STK32C: variants seen among roughly 807,000 people sequenced by gnomAD.
STK32C encodes the protein serine/threonine-protein kinase 32C.
STK32C carries 31 observed loss-of-function variants against 56.5 expected under a neutral mutation model. That is an observed-to-expected ratio of 0.55 (90% CI 0.41 to 0.74). The LOEUF (loss-of-function observed/expected upper bound fraction) is 0.74, where lower values mean the gene tolerates loss of function less well. Ranked by LOEUF, STK32C falls within the 30% of genes least tolerant of loss-of-function variation. STK32C has a pLI of 0.00. For synonymous variants in STK32C, 309 were observed against 289.4 expected (o/e 1.07, Z -0.69); for missense variants, 544 against 676.9 (o/e 0.80, Z 2.18).
At chr10:132,291,540 C>T (rs10870287) in intron 1 of STK32C, among the ~76,000 whole-genome samples, 50,392 of 152,142 alleles carry the variant, frequency 0.33, 8,510 homozygotes, top group Middle Eastern at 0.38. Context: ...GCTGTGCCCA[C>T]GAGATGCCAG....
intron 1 of STK32C, among the ~76,000 whole-genome samples, chr10:132,264,664 A>AG (rs1590318154): frequency 1.3e-5 from 2 of 152,234 alleles, no homozygotes; most frequent in African/African-American, 2.4e-5. Flanking sequence ...GCAGGGAGGG[A>AG]GGAGGACTCC....
intron 10 of STK32C, among the ~76,000 whole-genome samples, chr10:132,221,632 ACAC>A (rs1354591734): frequency 2.1e-5 from 3 of 142,468 alleles, no homozygotes; most frequent in South Asian, 4.6e-4. Context: ...GTCCCCCCAC[ACAC>A]AACTGATGTC....
chr10:132,220,490 C>G (rs1337563442), intron 10 of STK32C, among the ~76,000 whole-genome samples: 1 of 152,204 alleles, frequency 6.6e-6, no homozygotes, highest in Non-Finnish European at 1.5e-5. Context: ...GGAACACGAA[C>G]CACGTCCACA....
chr10:132,285,734 G>A (rs902915444), intron 1 of STK32C, among the ~76,000 whole-genome samples: 3 of 152,346 alleles, frequency 2.0e-5, no homozygotes, highest in East Asian at 1.9e-4. Flanking sequence ...CAGACATAGC[G>A]ATAGATTGCA....
rs750869966 is a variant in STK32C, at chr10:132,222,993, C to G, written c.994-7G>C. The G allele has an allele frequency of 1.9e-6, 3 of 1,548,304 alleles. No individual in the cohort carries two copies. Among genetic ancestry groups the G allele is most frequent in the Non-Finnish European group, 2.6e-6 (3 of 1,151,340 alleles). On this transcript the variant is annotated splice_polypyrimidine_tract_variant and splice_region_variant and intron_variant, in intron 8 of 11. Transcript: ENST00000298630. ...CGGGGTTCACAGTGAGGAGCTGCAACCAGGCATGAGTCAGAGGGTCCAGGG... is the reference window on the plus strand; with the variant it reads ...CGGGGTTCACAGTGAGGAGCTGCAAGCAGGCATGAGTCAGAGGGTCCAGGG...
intron 1 of STK32C, among the ~76,000 whole-genome samples, chr10:132,282,272 C>T (rs2065236705): frequency 6.6e-6 from 1 of 152,280 alleles, no homozygotes; most frequent in Non-Finnish European, 1.5e-5. Flanking sequence ...ATCCCTGCCA[C>T]ACGCCCTGCC....
At chr10:132,274,925 G>A (rs2064952492) in intron 1 of STK32C, among the ~76,000 whole-genome samples, 1 of 152,150 alleles carries the variant, frequency 6.6e-6, no homozygotes, top group Non-Finnish European at 1.5e-5. Flanking sequence ...CTCCCTGGAG[G>A]GTGCCCCAGC....
chr10:132,238,169 C>T (rs1232765773), intron 2 of STK32C, among the ~76,000 whole-genome samples: 1 of 152,088 alleles, frequency 6.6e-6, no homozygotes, highest in East Asian at 1.9e-4. Context: ...TCCTTGGGAC[C>T]GAGGCAGCTT....
intron 1 of STK32C, among the ~76,000 whole-genome samples, chr10:132,329,266 T>C (rs919303432): frequency 4.6e-5 from 7 of 152,050 alleles, no homozygotes; most frequent in Admixed American, 3.3e-4. Context: ...ATACAAAAAT[T>C]AGCCCAGTGT....
chr10:132,246,022 C>G (rs1437142706), intron 1 of STK32C, 67 bp from the exon 2 acceptor site: 6 of 1,476,710 alleles, frequency 4.1e-6, no homozygotes, highest in Non-Finnish European at 4.7e-6. Flanking sequence ...GCAGCTCCCC[C>G]ACCTCAACAT....
chr10:132,293,938 G>C (rs1163776230), intron 1 of STK32C, among the ~76,000 whole-genome samples: 1 of 152,230 alleles, frequency 6.6e-6, no homozygotes, highest in Non-Finnish European at 1.5e-5. Context: ...CAGGCACGAG[G>C]GAAGGGGCCC....
intron 1 of STK32C, chr10:132,330,512 C>A (rs117392241): frequency 4.2e-6 from 3 of 716,544 alleles, no homozygotes; most frequent in Non-Finnish European, 7.8e-6. Flanking sequence ...TGGGTATGTA[C>A]GAAAACTTTT....
At chr10:132,278,132 C>G (rs1477949022) in intron 1 of STK32C, among the ~76,000 whole-genome samples, 1 of 152,174 alleles carries the variant, frequency 6.6e-6, no homozygotes, top group Non-Finnish European at 1.5e-5. Context: ...ACTCTGCCCT[C>G]TGACTTGGCT....
intron 1 of STK32C, among the ~76,000 whole-genome samples, chr10:132,258,497 C>G (rs1408968084): frequency 6.6e-6 from 1 of 152,248 alleles, no homozygotes; most frequent in African/African-American, 2.4e-5. Context: ...GTCCAGTGCG[C>G]TCTCCTGGGT....
chr10:132,261,422 A>G (rs769054526), intron 1 of STK32C, among the ~76,000 whole-genome samples: 28 of 152,230 alleles, frequency 1.8e-4, no homozygotes, highest in Admixed American at 3.9e-4. Context: ...GAATACACCT[A>G]ACCAAGGAGA....
rs762664066 is a variant in STK32C, at chr10:132,307,744, G to C, written c.90C>G (p.Asp30Glu). Reference sequence around the variant, plus strand: ...CGGGCGGCGGCAGGGCCGAGGGCGCGTCGGAGCCGGCGGGGCGCGCGCGGC... The same window carrying C: ...CGGGCGGCGGCAGGGCCGAGGGCGCCTCGGAGCCGGCGGGGCGCGCGCGGC... ...PPGRARPAGSDAPSALPPPAA... is the reference protein window; with the variant it reads ...PPGRARPAGSEAPSALPPPAA... The change falls in exon 1 of 12, where the codon GAC (aspartate) becomes GAG (glutamate). Residue 30 changes from aspartate to glutamate, a missense_variant. Asp to Glu is a conservative substitution (Grantham distance 45). Around this residue, in one of 3 missense-constraint regions of STK32C, gnomAD observed 182 missense variants for 217.7 expected, o/e 0.84. Transcript: ENST00000298630. This position sits in a 1 kb window ranked among gnomAD's most constrained non-coding sequence, Gnocchi z 4.4. The C allele has an allele frequency of 8.4e-6, 9 of 1,071,650 alleles. No homozygotes were observed. The highest frequency in any genetic ancestry group is 4.4e-5 in the South Asian group (1 of 22,966). 66.4% of individuals were successfully genotyped at this position (1,071,650 alleles called of 1,614,324 possible).
intron 1 of STK32C, among the ~76,000 whole-genome samples, chr10:132,274,616 C>T (rs921572482): frequency 4.6e-5 from 7 of 152,224 alleles, no homozygotes; most frequent in African/African-American, 9.6e-5. Context: ...TGCCCTCAGC[C>T]CACCAGGAGC....
At chr10:132,242,792 T>C (rs528910101) in intron 2 of STK32C, among the ~76,000 whole-genome samples, 1 of 152,354 alleles carries the variant, frequency 6.6e-6, no homozygotes, top group South Asian at 2.1e-4. Flanking sequence ...CCTGCCCCTG[T>C]GCCTACTGTC....
intron 1 of STK32C, among the ~76,000 whole-genome samples, chr10:132,300,721 T>C (rs1439218228): frequency 6.6e-6 from 1 of 152,096 alleles, no homozygotes; most frequent in Admixed American, 6.5e-5. Context: ...GCAGGAGACC[T>C]GTAAGGAAGC....
Sources: allele counts gnomAD v4.1 joint callset (sites outside exome capture counted in the v4.1 genomes callset), GRCh38; gene constraint gnomAD v4.1.1; regional missense constraint gnomAD v4.1.1; non-coding constraint Gnocchi (gnomAD v3.1); transcripts MANE v1.5; gene names NCBI Gene and HGNC (gene_info 2026-07-23, HGNC 2026-07-21).